The following LRFN2 variants were observed in gnomAD, a reference collection of about 807,000 sequenced individuals.
The protein encoded by LRFN2 is leucine-rich repeat and fibronectin type-III domain-containing protein 2.
In LRFN2, 18 loss-of-function variants were observed where a neutral mutation model predicts 37.3. The ratio of observed to expected loss-of-function variants is 0.48; its 90% CI spans 0.33 to 0.72. The LOEUF (loss-of-function observed/expected upper bound fraction) is 0.72. LRFN2 is among the 30% of genes least tolerant of loss of function. LRFN2 has a pLI of 0.02. For missense variants in LRFN2, 1,006 were observed against 1,060.7 expected (o/e 0.95, Z 0.72); for synonymous variants, 556 against 466.6 (o/e 1.19, Z -2.47).
intron 2 of LRFN2, among the ~76,000 whole-genome samples, chr6:40,412,178 G>T (rs1289812114): frequency 1.3e-5 from 2 of 152,086 alleles, no homozygotes; most frequent in African/African-American, 2.4e-5. Context: ...TCCATGGAAG[G>T]ATCTGGCACA....
At chr6:40,510,942 G>C (rs1324174932) in intron 1 of LRFN2, among the ~76,000 whole-genome samples, 1 of 152,142 alleles carries the variant, frequency 6.6e-6, no homozygotes, top group Non-Finnish European at 1.5e-5. Context: ...GATAGGGAGG[G>C]GAAGCCAGAA....
At position 40,431,848 on chromosome 6, in the gene LRFN2, C is replaced by T. The variant is rs374295744; in HGVS notation, c.1266G>A (p.Pro422=). Residue 422 remains proline, a synonymous_variant, in exon 2 of 3, where the codon CCG becomes CCA. Coordinates refer to ENST00000338305, the MANE Select transcript of LRFN2 (RefSeq NM_020737.3). ...CTTCAGACACAAGCACAGCCCGTTC[C>T]GGGGGGCTTTTGGGAGGCTCTCCGC... The part of the protein sequence containing the change: ...SGGGEPPKSP[P]ERAVLVSEVT... 21 of 1,584,826 alleles carry T rather than the reference C, an allele frequency of 1.3e-5. No homozygotes were observed. Among genetic ancestry groups the T allele is most frequent in the South Asian group, 7.0e-5 (6 of 85,242 alleles).
At chr6:40,482,857 T>C (rs1764866267) in intron 1 of LRFN2, among the ~76,000 whole-genome samples, 1 of 152,198 alleles carries the variant, frequency 6.6e-6, no homozygotes, top group South Asian at 2.1e-4. Context: ...TAAGTGACAG[T>C]AATGGGCTCC....
intron 1 of LRFN2, among the ~76,000 whole-genome samples, chr6:40,575,230 C>T (rs527931488): frequency 1.6e-4 from 24 of 152,214 alleles, no homozygotes; most frequent in African/African-American, 5.1e-4. Flanking sequence ...TGGCAGAGTG[C>T]GCAGAACCCC....
At chr6:40,568,999 T>C (rs567450994) in intron 1 of LRFN2, among the ~76,000 whole-genome samples, 1 of 152,276 alleles carries the variant, frequency 6.6e-6, no homozygotes, top group African/African-American at 2.4e-5. Context: ...AGCACCCACT[T>C]ACACTGCCTC....
chr6:40,548,947 C>T (rs1055585473), intron 1 of LRFN2, among the ~76,000 whole-genome samples: 2 of 152,224 alleles, frequency 1.3e-5, no homozygotes, highest in Non-Finnish European at 2.9e-5. Context: ...CAATAAAATT[C>T]ATTTTTAAAA....
intron 1 of LRFN2, among the ~76,000 whole-genome samples, chr6:40,460,302 A>T (rs1764320623): frequency 1.3e-5 from 2 of 152,186 alleles, no homozygotes. Flanking sequence ...GACTTCTTCC[A>T]GGCTGTAGAC....
intron 2 of LRFN2, among the ~76,000 whole-genome samples, chr6:40,407,446 T>A (rs758090703): frequency 6.6e-6 from 1 of 152,218 alleles, no homozygotes. Context: ...GGGAGAGTAA[T>A]ACTAGCCTTC....
chr6:40,421,215 T>G (rs1446478852), intron 2 of LRFN2, among the ~76,000 whole-genome samples: 3 of 152,208 alleles, frequency 2.0e-5, no homozygotes, highest in Non-Finnish European at 4.4e-5. Flanking sequence ...ACTACCTCCT[T>G]CTGGAATGCT....
intron 1 of LRFN2, among the ~76,000 whole-genome samples, chr6:40,475,072 C>T (rs1764680363): frequency 6.6e-6 from 1 of 152,184 alleles, no homozygotes. Context: ...AGCCACAGTG[C>T]ACCCCATATG....
chr6:40,553,652 G>T (rs1766817912), intron 1 of LRFN2, among the ~76,000 whole-genome samples: 1 of 152,208 alleles, frequency 6.6e-6, no homozygotes, highest in South Asian at 2.1e-4. Context: ...GAATAAATAA[G>T]TAACAAATGA....
chr6:40,435,034 TATA>T, intron 1 of LRFN2, among the ~76,000 whole-genome samples: 1 of 93,056 alleles, frequency 1.1e-5, no homozygotes, highest in South Asian at 3.7e-4. Flanking sequence ...TATATATATA[TATA>T]TATATATATA....
intron 1 of LRFN2, among the ~76,000 whole-genome samples, chr6:40,435,687 C>T (rs544300612): frequency 5.3e-5 from 8 of 152,112 alleles, no homozygotes; most frequent in South Asian, 4.2e-4. Context: ...TACAGGTGCC[C>T]GCCACCACAC....
chr6:40,511,841 G>A (rs571899818), intron 1 of LRFN2, among the ~76,000 whole-genome samples: 1 of 152,322 alleles, frequency 6.6e-6, no homozygotes, highest in South Asian at 2.1e-4. Context: ...GTCAGAGGCT[G>A]AGTTTTCTAC....
intron 1 of LRFN2, among the ~76,000 whole-genome samples, chr6:40,435,052 T>TATATATAGAG (rs1482968698): frequency 2.4e-3 from 90 of 37,524 alleles, no homozygotes; most frequent in Admixed American, 3.9e-3. Context: ...TATATATATA[T>TATATATAGAG]AGAGAGAGAG....
chr6:40,489,459 T>C (rs1765037024), intron 1 of LRFN2, among the ~76,000 whole-genome samples: 1 of 152,094 alleles, frequency 6.6e-6, no homozygotes, highest in Non-Finnish European at 1.5e-5. Context: ...GTCTCCAGGC[T>C]CTCCTCAACC....
chr6:40,557,076 A>G (rs1465074670), intron 1 of LRFN2, among the ~76,000 whole-genome samples: 1 of 152,136 alleles, frequency 6.6e-6, no homozygotes, highest in Non-Finnish European at 1.5e-5. Flanking sequence ...TGTGCCTTAC[A>G]GCCTCTCTGC....
chr6:40,567,512 G>A (rs1436889115), intron 1 of LRFN2, among the ~76,000 whole-genome samples: 1 of 152,140 alleles, frequency 6.6e-6, no homozygotes, highest in African/African-American at 2.4e-5. Flanking sequence ...TTACAAAGCT[G>A]TCTTGATCCT....
At chr6:40,517,400 T>C (rs1251123080) in intron 1 of LRFN2, 1 of 152,164 alleles carries the variant, frequency 6.6e-6, no homozygotes, top group African/African-American at 2.4e-5. Context: ...AAATCCTTCT[T>C]AAAATGCACA....
Sources: allele counts gnomAD v4.1 joint callset (sites outside exome capture counted in the v4.1 genomes callset), GRCh38; gene constraint gnomAD v4.1.1; transcripts MANE v1.5; gene names NCBI Gene and HGNC (gene_info 2026-07-23, HGNC 2026-07-21).